TEX11: variants seen among roughly 807,000 people sequenced by gnomAD.
TEX11 encodes the protein testis-expressed protein 11.
A neutral mutation model predicts 84.4 loss-of-function variants in TEX11; 7 were observed. That is an observed-to-expected ratio of 0.08 (90% confidence interval 0.05 to 0.16). The LOEUF (loss-of-function observed/expected upper bound fraction) is 0.16, where lower values mean the gene tolerates loss of function less well. TEX11 is among the 10% of genes least tolerant of loss of function. TEX11 has a pLI of 1.00. For missense variants in TEX11, 551 were observed against 660.5 expected (o/e 0.83, Z 1.82); for synonymous variants, 264 against 222.8 (o/e 1.18, Z -1.64).
intron 24 of TEX11, among the ~76,000 whole-genome samples, chrX:70,598,463 T>C (rs1245914620): frequency 1.8e-5 from 2 of 111,766 alleles, no homozygotes; most frequent in Non-Finnish European, 3.8e-5. Context: ...ATTCCTCAAA[T>C]GATGAAACAT....
intron 28 of TEX11, among the ~76,000 whole-genome samples, chrX:70,535,475 G>A (rs1462883584): frequency 2.7e-5 from 3 of 111,569 alleles, no homozygotes; most frequent in Non-Finnish European, 5.7e-5. Context: ...GCCTGGGTGT[G>A]GTGGCTCATG....
At chrX:70,778,600 G>A (rs1175957701) in intron 9 of TEX11, among the ~76,000 whole-genome samples, 1 of 110,964 alleles carries the variant, frequency 9.0e-6, no homozygotes, top group East Asian at 2.8e-4. Flanking sequence ...AACTACAGAT[G>A]CAGGCTACCA....
chrX:70,795,707 G>T (rs750600494), intron 9 of TEX11, among the ~76,000 whole-genome samples: 3 of 110,903 alleles, frequency 2.7e-5, no homozygotes, highest in South Asian at 3.8e-4. Flanking sequence ...GTAATCCAGA[G>T]AATTTTTCTG....
At chrX:70,568,283 T>C (rs1351254527) in intron 25 of TEX11, among the ~76,000 whole-genome samples, 1 of 111,032 alleles carries the variant, frequency 9.0e-6, no homozygotes, top group Non-Finnish European at 1.9e-5. Flanking sequence ...TCCTTTTATT[T>C]TGAGCCTATG....
At chrX:70,637,744 C>T (rs2089592671) in intron 17 of TEX11, among the ~76,000 whole-genome samples, 1 of 109,341 alleles carries the variant, frequency 9.1e-6, no homozygotes, top group African/African-American at 3.3e-5. Context: ...GTTAGCAACA[C>T]ATACTGGGGC....
chrX:70,558,012 G>T (rs1056198008), intron 25 of TEX11, among the ~76,000 whole-genome samples: 1 of 110,876 alleles, frequency 9.0e-6, no homozygotes, highest in Non-Finnish European at 1.9e-5. Context: ...AGCCAGATGT[G>T]GTGGTGGCCA....
intron 7 of TEX11, among the ~76,000 whole-genome samples, chrX:70,841,499 A>T (rs1354819059): frequency 1.8e-5 from 2 of 111,344 alleles, no homozygotes; most frequent in Non-Finnish European, 3.8e-5. Flanking sequence ...AGGGAAACTT[A>T]TAGCACTAAA....
At chrX:70,886,538 A>C (rs1445118350) in intron 2 of TEX11, among the ~76,000 whole-genome samples, 2 of 111,740 alleles carry the variant, frequency 1.8e-5, no homozygotes, top group African/African-American at 6.5e-5. Context: ...ACTTACAGTC[A>C]ATAATGTATA....
intron 2 of TEX11, among the ~76,000 whole-genome samples, chrX:70,881,981 A>G (rs1215712858): frequency 9.9e-6 from 1 of 101,123 alleles, no homozygotes; most frequent in Non-Finnish European, 2.0e-5. Flanking sequence ...GTGAGCTGAG[A>G]TCGGCCACTG....
chrX:70,715,631 T>C (rs774330881), intron 13 of TEX11, among the ~76,000 whole-genome samples: 6 of 112,448 alleles, frequency 5.3e-5, no homozygotes, highest in Non-Finnish European at 1.1e-4. Flanking sequence ...TGCCATGGTT[T>C]TCAGCTCCAT....
chrX:70,679,846 C>G (rs868320316), intron 14 of TEX11, among the ~76,000 whole-genome samples: 861 of 82,426 alleles, frequency 0.01, 36 homozygotes, highest in Non-Finnish European at 0.014. Flanking sequence ...GTCAGCCCCC[C>G]GCCCGGCCAG....
chrX:70,839,865 G>A (rs5936596), intron 7 of TEX11, among the ~76,000 whole-genome samples: 29,421 of 110,841 alleles, frequency 0.27, 3,276 homozygotes, highest in East Asian at 0.42. Context: ...TAGCCGATGC[G>A]ATCAACTGGA....
chrX:70,651,186 G>A (rs976840229), intron 17 of TEX11, among the ~76,000 whole-genome samples: 3 of 111,989 alleles, frequency 2.7e-5, no homozygotes, highest in African/African-American at 9.7e-5. Context: ...GTATAAAAAA[G>A]TACATAGTGA....
At chrX:70,723,073 TA>T (rs1458526784) in intron 12 of TEX11, among the ~76,000 whole-genome samples, 5 of 111,807 alleles carry the variant, frequency 4.5e-5, no homozygotes, top group Non-Finnish European at 9.4e-5. Flanking sequence ...TTGTCACCTG[TA>T]AAATGGAGAA....
At chrX:70,728,415 C>T (rs1342125223) in intron 11 of TEX11, among the ~76,000 whole-genome samples, 1 of 112,803 alleles carries the variant, frequency 8.9e-6, no homozygotes, top group East Asian at 2.8e-4. Context: ...CTTTCCTAGT[C>T]AAAGAAAGGA....
At chrX:70,627,341 A>G (rs2089461296) in intron 18 of TEX11, among the ~76,000 whole-genome samples, 1 of 112,340 alleles carries the variant, frequency 8.9e-6, no homozygotes, top group Non-Finnish European at 1.9e-5. Context: ...GCTGATGGGA[A>G]TAAACCAGTA....
chrX:70,515,603 T>C, the TEX11 span, among the ~76,000 whole-genome samples: 2 of 112,162 alleles, frequency 1.8e-5, no homozygotes, highest in Non-Finnish European at 1.9e-5. Context: ...ATCTTTATAG[T>C]AGCATGATTT....
At position 70,857,623 on chromosome X, in the gene TEX11, G is replaced by C. The variant is rs181744652; in HGVS notation, c.324+3234C>G. On this transcript the variant is annotated intron_variant, in intron 5 of 29. Coordinates refer to ENST00000374333, the MANE Select transcript of TEX11 (RefSeq NM_031276.3). ...GTGAGTGTACCAGTGATGGCAATAA[G>C]AAAAATGATATCAGAAGGACTAGAC... 3.4e-5 allele frequency: 10 copies of C among 290,960 alleles called. No homozygotes were observed. In the Admixed American group the frequency reaches 4.0e-4, roughly 12 times the overall value. 24.0% of individuals were successfully genotyped at this position (290,960 alleles called of 1,213,427 possible).
chrX:70,895,602 C>T (rs946860918), intron 2 of TEX11, among the ~76,000 whole-genome samples: 13 of 112,015 alleles, frequency 1.2e-4, no homozygotes, highest in East Asian at 2.8e-4. Flanking sequence ...GGAGGCATCA[C>T]GCTGTCTTAC....
Sources: allele counts gnomAD v4.1 joint callset (sites outside exome capture counted in the v4.1 genomes callset), GRCh38; gene constraint gnomAD v4.1.1; transcripts MANE v1.5; gene names NCBI Gene and HGNC (gene_info 2026-07-23, HGNC 2026-07-21).